Variants in XKR4 observed in about 807,000 individuals in gnomAD.
XKR4 encodes XK related 4, also known as XK-related protein 4.
In XKR4, 12 loss-of-function variants were observed where a neutral mutation model predicts 53.9. That is an observed-to-expected ratio of 0.22 (90% CI 0.14 to 0.36). The LOEUF is 0.36. Among genes scored for constraint, XKR4 ranks in the 10% least tolerant of loss-of-function variants. XKR4 has a pLI of 1.00. For synonymous variants in XKR4, 354 were observed against 362.4 expected (o/e 0.98, Z 0.26); for missense variants, 799 against 859.5 (o/e 0.93, Z 0.88).
chr8:55,480,775 T>A (rs565247134), intron 2 of XKR4, among the ~76,000 whole-genome samples: 8 of 138,494 alleles, frequency 5.8e-5, no homozygotes, highest in African/African-American at 2.2e-4. Flanking sequence ...GAGAGCCAAA[T>A]CATGAGTGAA....
At chr8:55,289,571 GAGAGAAAGGAAGAAAGAAAGAGAAAGAA>G (rs1818954243) in intron 1 of XKR4, among the ~76,000 whole-genome samples, 1 of 89,884 alleles carries the variant, frequency 1.1e-5, no homozygotes, top group Non-Finnish European at 2.1e-5. Context: ...GAAGGAAGGA[GAGAGAAAGGAAGAAAGAAAGAGAAAGAA>G]AGAAAGAAAG....
At chr8:55,480,556 A>G (rs971573555) in intron 2 of XKR4, among the ~76,000 whole-genome samples, 1 of 152,146 alleles carries the variant, frequency 6.6e-6, no homozygotes, top group African/African-American at 2.4e-5. Flanking sequence ...GGCCAGGGCA[A>G]TCAGGCAGGA....
intron 2 of XKR4, among the ~76,000 whole-genome samples, chr8:55,402,159 A>G (rs1804610573): frequency 2.0e-5 from 3 of 152,204 alleles, no homozygotes; most frequent in Non-Finnish European, 4.4e-5. Context: ...TTATAAAAAC[A>G]GTTTTTACTT....
Position 55,531,116 on chromosome 8 carries a change from T to C in XKR4, c.*6889T>C, listed in dbSNP as rs1051766290. On this transcript the variant is annotated 3_prime_UTR_variant, in exon 3 of 3. Coordinates refer to ENST00000327381, the MANE Select transcript of XKR4 (RefSeq NM_052898.2). Reference sequence around the variant, plus strand: ...ACACAGCTTTTCTAAGACTATGCAGTCATGTGTCACTTAAGGATGGGGATA... The same window carrying C: ...ACACAGCTTTTCTAAGACTATGCAGCCATGTGTCACTTAAGGATGGGGATA... 3.9e-5 allele frequency: 6 copies of C among 152,194 alleles called. No individual in the cohort carries two copies. The highest frequency in any genetic ancestry group is 1.4e-4 in the African/African-American group (6 of 41,452). 9.4% of individuals were successfully genotyped at this position (152,194 alleles called of 1,614,324 possible).
intron 1 of XKR4, among the ~76,000 whole-genome samples, chr8:55,277,272 C>A (rs1237845640): frequency 6.6e-6 from 1 of 152,168 alleles, no homozygotes; most frequent in Non-Finnish European, 1.5e-5. Flanking sequence ...GTGCTACTAA[C>A]AAAGGTGCTG....
intron 1 of XKR4, among the ~76,000 whole-genome samples, chr8:55,179,255 T>C (rs1227525493): frequency 6.6e-6 from 1 of 151,766 alleles, no homozygotes; most frequent in Non-Finnish European, 1.5e-5. Flanking sequence ...ATGGTTTAAC[T>C]ACAACTCTGT....
At chr8:55,105,062 T>C (rs1816120711) in intron 1 of XKR4, among the ~76,000 whole-genome samples, 1 of 152,222 alleles carries the variant, frequency 6.6e-6, no homozygotes, top group Non-Finnish European at 1.5e-5. Flanking sequence ...ATAATTCAAA[T>C]ACTTCTCTAT....
At chr8:55,326,984 T>C (rs1006358062) in intron 1 of XKR4, among the ~76,000 whole-genome samples, 1 of 152,072 alleles carries the variant, frequency 6.6e-6, no homozygotes. Context: ...TGCTTCTTTA[T>C]GCTTGAAGTC....
At chr8:55,192,505 G>C (rs1585929759) in intron 1 of XKR4, among the ~76,000 whole-genome samples, 1 of 152,074 alleles carries the variant, frequency 6.6e-6, no homozygotes, top group African/African-American at 2.4e-5. Flanking sequence ...GGCTTGAAAA[G>C]AAAGTCCAAC....
At chr8:55,426,003 C>T (rs1467075088) in intron 2 of XKR4, among the ~76,000 whole-genome samples, 1 of 152,192 alleles carries the variant, frequency 6.6e-6, no homozygotes, top group African/African-American at 2.4e-5. Context: ...ACTGGATTCT[C>T]ACATTTTACT....
intron 1 of XKR4, among the ~76,000 whole-genome samples, chr8:55,296,287 G>A (rs1819100079): frequency 6.6e-6 from 1 of 152,192 alleles, no homozygotes; most frequent in Admixed American, 6.5e-5. Flanking sequence ...TGGTTTAGAA[G>A]TTAGTCACAC....
rs1806997195 is a variant in XKR4, at chr8:55,534,360, A to ATCCTT, written c.*10134_*10135insCCTTT. On this transcript the variant is annotated 3_prime_UTR_variant, in exon 3 of 3. Coordinates refer to ENST00000327381, the MANE Select transcript of XKR4 (RefSeq NM_052898.2). ...CGAGCTCAAAGATCACGAATCTGAT[A>ATCCTT]TTCTTTTTTTTTTTTTTTTTTTTTT... 2.6e-5 allele frequency: 1 copy of ATCCTT among 38,852 alleles called. No individual in the cohort carries two copies. The highest frequency in any genetic ancestry group is 5.9e-5 in the Non-Finnish European group (1 of 16,974). The allele number at this position is 38,852 out of a possible 1,614,324, so 2.4% of individuals were successfully genotyped here.
chr8:55,345,116 T>C (rs553799288), intron 1 of XKR4, among the ~76,000 whole-genome samples: 2 of 152,062 alleles, frequency 1.3e-5, no homozygotes, highest in African/African-American at 4.8e-5. Context: ...ACCCTGTCTC[T>C]ACTAAAAATA....
At chr8:55,193,984 C>T (rs975396460) in intron 1 of XKR4, among the ~76,000 whole-genome samples, 3 of 152,176 alleles carry the variant, frequency 2.0e-5, no homozygotes, top group Non-Finnish European at 2.9e-5. Context: ...GGGGCCCTGC[C>T]GTAGCCTTCC....
intron 1 of XKR4, among the ~76,000 whole-genome samples, chr8:55,327,119 C>T (rs560038186): frequency 3.9e-5 from 6 of 152,152 alleles, no homozygotes; most frequent in African/African-American, 1.2e-4. Flanking sequence ...TCTAGCTTGT[C>T]CAGAAATCAA....
intron 1 of XKR4, among the ~76,000 whole-genome samples, chr8:55,262,187 T>C (rs189198157): frequency 5.5e-4 from 84 of 152,334 alleles, no homozygotes; most frequent in Non-Finnish European, 1.2e-3. Flanking sequence ...TAATGAAACA[T>C]GTTAAGTATA....
chr8:55,149,512 G>A (rs530590516), intron 1 of XKR4, among the ~76,000 whole-genome samples: 41 of 152,252 alleles, frequency 2.7e-4, no homozygotes, highest in African/African-American at 9.9e-4. Flanking sequence ...CTTTGGCATC[G>A]AGAAAAAGTT....
At chr8:55,480,331 G>T (rs759546512) in intron 2 of XKR4, among the ~76,000 whole-genome samples, 1 of 152,114 alleles carries the variant, frequency 6.6e-6, no homozygotes, top group African/African-American at 2.4e-5. Flanking sequence ...TGCAGAAAAC[G>T]CCTTTGACAA....
At chr8:55,280,487 C>T (rs1047726764) in intron 1 of XKR4, among the ~76,000 whole-genome samples, 1 of 152,118 alleles carries the variant, frequency 6.6e-6, no homozygotes, top group African/African-American at 2.4e-5. Flanking sequence ...CTTCTGCAGC[C>T]CTCTAGTCCT....
Sources: gnomAD v4.1 joint callset for allele counts (sites outside exome capture counted in the v4.1 genomes callset) on GRCh38, gnomAD v4.1.1 for gene constraint, MANE v1.5 for transcripts, NCBI Gene and HGNC (gene_info 2026-07-23, HGNC 2026-07-21) for gene names.